ROBO1: variants seen among roughly 807,000 people sequenced by gnomAD.
ROBO1 encodes roundabout homolog 1.
A neutral mutation model predicts 195.9 loss-of-function variants in ROBO1; 149 were observed. The observed-to-expected ratio is 0.76, with a 90% CI of 0.67 to 0.87. The LOEUF (loss-of-function observed/expected upper bound fraction) is 0.87. ROBO1 is among the 40% of genes least tolerant of loss of function. The probability of loss-of-function intolerance (pLI) is 0.00; values close to 1 mark genes in which losing one functional copy is unlikely to be tolerated. For missense variants in ROBO1, 1,933 were observed against 2,068.3 expected (o/e 0.93, Z 1.27); for synonymous variants, 816 against 733.2 (o/e 1.11, Z -1.82).
intron 2 of ROBO1, among the ~76,000 whole-genome samples, chr3:79,377,824 C>G (rs977899821): frequency 6.6e-6 from 1 of 152,122 alleles, no homozygotes; most frequent in East Asian, 1.9e-4. Context: ...GTGATACGGT[C>G]GTGCTAGCAG....
chr3:78,821,161 AT>A (rs71631622), intron 4 of ROBO1, among the ~76,000 whole-genome samples: 8,736 of 122,172 alleles, frequency 0.072, 309 homozygotes, highest in African/African-American at 0.22. Context: ...TATGATACTG[AT>A]TTTTTTTTTT....
At chr3:79,362,763 A>G (rs1299076030) in intron 2 of ROBO1, among the ~76,000 whole-genome samples, 1 of 152,134 alleles carries the variant, frequency 6.6e-6, no homozygotes, top group Non-Finnish European at 1.5e-5. Flanking sequence ...AAATCTAGGC[A>G]AAAGGATTAA....
chr3:79,194,480 C>G (rs1576798445), intron 2 of ROBO1, among the ~76,000 whole-genome samples: 1 of 151,736 alleles, frequency 6.6e-6, no homozygotes, highest in East Asian at 1.9e-4. Context: ...ATTCCCACTA[C>G]CTACACAAAA....
chr3:79,640,776 A>G (rs963646049), intron 1 of ROBO1, among the ~76,000 whole-genome samples: 8 of 152,172 alleles, frequency 5.3e-5, no homozygotes, highest in African/African-American at 1.4e-4. Context: ...TGAATTTGCC[A>G]TAACAAACTT....
chr3:79,397,257 CAT>C (rs932571822), intron 2 of ROBO1, among the ~76,000 whole-genome samples: 5 of 150,092 alleles, frequency 3.3e-5, no homozygotes, highest in African/African-American at 9.8e-5. Flanking sequence ...ATTTAATAAT[CAT>C]ATATATATAT....
chr3:79,554,149 T>A (rs1306530456), intron 2 of ROBO1, among the ~76,000 whole-genome samples: 1 of 152,022 alleles, frequency 6.6e-6, no homozygotes, highest in Non-Finnish European at 1.5e-5. Context: ...TTATCCTTGA[T>A]GTCTTAATAT....
intron 2 of ROBO1, among the ~76,000 whole-genome samples, chr3:79,450,417 C>A (rs1179310715): frequency 6.6e-6 from 1 of 151,770 alleles, no homozygotes; most frequent in Admixed American, 6.6e-5. Context: ...AATAATAATA[C>A]TGAGAGGTGA....
intron 4 of ROBO1, among the ~76,000 whole-genome samples, chr3:78,803,718 A>G (rs1302246169): frequency 2.0e-5 from 3 of 152,158 alleles, no homozygotes; most frequent in African/African-American, 7.2e-5. Context: ...AAGAATGACA[A>G]CACAGGAATA....
chr3:79,658,178 T>C (rs955547234), intron 1 of ROBO1, among the ~76,000 whole-genome samples: 1 of 152,158 alleles, frequency 6.6e-6, no homozygotes, highest in Non-Finnish European at 1.5e-5. Context: ...ACAGCTTGAA[T>C]AATGAACACT....
rs187176609 is a variant in ROBO1 at position 79,091,696 on chromosome 3, C to T, written c.172+33760G>A. Among the ~76,000 whole-genome samples, 89 of 151,388 alleles carry T rather than the reference C, an allele frequency of 5.9e-4. 1 individual carries two copies. In the East Asian group the frequency reaches 0.015, roughly 26 times the overall value. The stretch of plus-strand genomic sequence containing the variant: ...TTTTAATTAGACCTTACTTAGAGCG[C>T]GACATTTCGGCTAAGACCTGGCAAA... On this transcript the variant is annotated intron_variant, in intron 3 of 30. Coordinates refer to ENST00000464233, the MANE Select transcript of ROBO1 (RefSeq NM_002941.4).
Position 79,118,232 on chromosome 3 carries a change from TG to T in ROBO1, c.172+7223del, listed in dbSNP as rs757712924. 6.8e-3 allele frequency among the ~76,000 whole-genome samples: 1,001 copies of T among 146,732 alleles called. 12 individuals carry two copies. Among genetic ancestry groups the T allele is most frequent in the Admixed American group, 0.011 (159 of 14,746 alleles). ...TTAGGCTGGTACAAAAGTAATTGTG[TG>T]GGTTTTTTTTTTTTTTTGCAATTTT... On this transcript the variant is annotated intron_variant, in intron 3 of 30. Coordinates refer to ENST00000464233, the MANE Select transcript of ROBO1 (RefSeq NM_002941.4).
intron 1 of ROBO1, among the ~76,000 whole-genome samples, chr3:79,681,349 G>A (rs78167735): frequency 2.6e-5 from 4 of 151,580 alleles, no homozygotes; most frequent in Non-Finnish European, 4.4e-5. Flanking sequence ...TGTCTTCAGG[G>A]AAAATCCAGA....
At chr3:79,163,608 T>G (rs1036870690) in intron 2 of ROBO1, among the ~76,000 whole-genome samples, 2 of 152,112 alleles carry the variant, frequency 1.3e-5, no homozygotes, top group African/African-American at 4.8e-5. Context: ...TGCCATACTG[T>G]TTTTTACAGC....
rs540231985 is a variant in ROBO1 at position 78,941,014 on chromosome 3, C to A, written c.173-2087G>T. Among the ~76,000 whole-genome samples the A allele has an allele frequency of 1.4e-4, 22 of 152,218 alleles. No individual in the cohort carries two copies. The South Asian group carries it at 3.9e-3, about 27-fold the overall frequency. ...TTATAACTAATACGTATACATTCAA[C>A]CTTTAATAGACTGTAAGCCCTACAT... On this transcript the variant is annotated intron_variant, in intron 3 of 30. Transcript: ENST00000464233.
intron 1 of ROBO1, among the ~76,000 whole-genome samples, chr3:79,743,460 G>A (rs1341810894): frequency 6.6e-6 from 1 of 152,198 alleles, no homozygotes; most frequent in Non-Finnish European, 1.5e-5. Context: ...AGTGACTGGT[G>A]AGTTAATGTG....
intron 2 of ROBO1, among the ~76,000 whole-genome samples, chr3:79,397,252 A>G (rs920953360): frequency 6.6e-6 from 1 of 150,852 alleles, no homozygotes. Flanking sequence ...TATATATTTA[A>G]TAATCATATA....
At chr3:79,016,207 T>C (rs1443716504) in intron 3 of ROBO1, among the ~76,000 whole-genome samples, 1 of 152,184 alleles carries the variant, frequency 6.6e-6, no homozygotes, top group Non-Finnish European at 1.5e-5. Context: ...AACTGAACAC[T>C]GTCATGAAAT....
chr3:79,055,942 C>A (rs1363206893), intron 3 of ROBO1, among the ~76,000 whole-genome samples: 1 of 152,062 alleles, frequency 6.6e-6, no homozygotes, highest in Non-Finnish European at 1.5e-5. Context: ...AATGTGGAAC[C>A]TTCTCTTTCT....
At chr3:79,301,708 A>G (rs1353272363) in intron 2 of ROBO1, among the ~76,000 whole-genome samples, 1 of 152,186 alleles carries the variant, frequency 6.6e-6, no homozygotes, top group East Asian at 1.9e-4. Context: ...AAATACTCAA[A>G]ACCAACAATA....
Sources: gnomAD v4.1 joint callset for allele counts (sites outside exome capture counted in the v4.1 genomes callset) on GRCh38, gnomAD v4.1.1 for gene constraint, MANE v1.5 for transcripts, NCBI Gene and HGNC (gene_info 2026-07-23, HGNC 2026-07-21) for gene names.